The following NXPH1 variants were observed in gnomAD, a reference collection of about 807,000 sequenced individuals.
NXPH1 encodes the protein neurexophilin 1.
A neutral mutation model predicts 23.7 loss-of-function variants in NXPH1; 5 were observed. The observed-to-expected ratio is 0.21, with a 90% CI of 0.11 to 0.44. The LOEUF is 0.44. Ranked by LOEUF, NXPH1 falls within the 20% of genes least tolerant of loss-of-function variation. The pLI is 0.99. For synonymous variants in NXPH1, 144 were observed against 122.2 expected (o/e 1.18, Z -1.18); for missense variants, 324 against 321.6 (o/e 1.01, Z -0.06).
chr7:8,679,797 C>T (rs578117807), intron 2 of NXPH1, among the ~76,000 whole-genome samples: 1 of 152,322 alleles, frequency 6.6e-6, no homozygotes, highest in African/African-American at 2.4e-5. Flanking sequence ...CCAAGGTGGG[C>T]AGATCACGAG....
At chr7:8,652,885 T>C (rs1168641646) in intron 2 of NXPH1, among the ~76,000 whole-genome samples, 1 of 152,212 alleles carries the variant, frequency 6.6e-6, no homozygotes, top group East Asian at 1.9e-4. Context: ...AGCTTATGAA[T>C]TTTTAAGAAC....
At chr7:8,714,563 CAT>C (rs1419388831) in intron 2 of NXPH1, among the ~76,000 whole-genome samples, 1 of 151,922 alleles carries the variant, frequency 6.6e-6, no homozygotes, top group Admixed American at 6.6e-5. Context: ...ATGAAGCCAG[CAT>C]ATATCTGTGT....
chr7:8,547,760 T>C (rs1818219228), intron 2 of NXPH1, among the ~76,000 whole-genome samples: 1 of 151,548 alleles, frequency 6.6e-6, no homozygotes, highest in Non-Finnish European at 1.5e-5. Context: ...TATTTGATTT[T>C]ATGTTTCTGA....
intron 2 of NXPH1, among the ~76,000 whole-genome samples, chr7:8,696,971 A>G (rs1257741508): frequency 6.8e-6 from 1 of 146,208 alleles, no homozygotes; most frequent in Non-Finnish European, 1.5e-5. Context: ...CAGTCTGGTC[A>G]ACATGGCAAA....
At chr7:8,592,191 A>G (rs1200522166) in intron 2 of NXPH1, among the ~76,000 whole-genome samples, 1 of 151,982 alleles carries the variant, frequency 6.6e-6, no homozygotes, top group Non-Finnish European at 1.5e-5. Flanking sequence ...GAAAGGAGAA[A>G]GCTGGGATGA....
At chr7:8,612,482 A>G (rs1423317178) in intron 2 of NXPH1, among the ~76,000 whole-genome samples, 1 of 151,992 alleles carries the variant, frequency 6.6e-6, no homozygotes, top group East Asian at 1.9e-4. Context: ...TTCCAATGCT[A>G]TTACATTAAA....
At chr7:8,595,308 A>G (rs1819198072) in intron 2 of NXPH1, among the ~76,000 whole-genome samples, 1 of 152,100 alleles carries the variant, frequency 6.6e-6, no homozygotes, top group Non-Finnish European at 1.5e-5. Context: ...ATATGCATTT[A>G]AAGAAGTCAT....
At chr7:8,747,118 G>A (rs1423654532) in intron 2 of NXPH1, among the ~76,000 whole-genome samples, 1 of 152,058 alleles carries the variant, frequency 6.6e-6, no homozygotes, top group Non-Finnish European at 1.5e-5. Context: ...GAAGAAGATT[G>A]ATATTATTCT....
intron 2 of NXPH1, among the ~76,000 whole-genome samples, chr7:8,462,692 G>A (rs1816715768): frequency 6.6e-6 from 1 of 152,130 alleles, no homozygotes; most frequent in Admixed American, 6.5e-5. Flanking sequence ...ACAATGTATA[G>A]ATATCTCAAA....
At chr7:8,631,563 T>A (rs4607505) in intron 2 of NXPH1, among the ~76,000 whole-genome samples, 41,785 of 151,926 alleles carry the variant, frequency 0.28, 6,162 homozygotes, top group African/African-American at 0.35. Flanking sequence ...TAAGGTTTTT[T>A]TTTCTAGTAT....
intron 2 of NXPH1, among the ~76,000 whole-genome samples, chr7:8,604,725 T>C (rs1819444727): frequency 6.6e-6 from 1 of 152,164 alleles, no homozygotes; most frequent in African/African-American, 2.4e-5. Context: ...ATAGGCAGGT[T>C]CCAATATGGT....
chr7:8,511,678 T>A (rs554387549), intron 2 of NXPH1, among the ~76,000 whole-genome samples: 1 of 152,244 alleles, frequency 6.6e-6, no homozygotes, highest in African/African-American at 2.4e-5. Context: ...AGACTATATG[T>A]CACCATGCGT....
intron 2 of NXPH1, among the ~76,000 whole-genome samples, chr7:8,743,174 G>A (rs1184675307): frequency 2.0e-5 from 3 of 151,882 alleles, no homozygotes; most frequent in Admixed American, 1.3e-4. Context: ...AATGTTGCTT[G>A]AGCAATAGTT....
intron 2 of NXPH1, among the ~76,000 whole-genome samples, chr7:8,486,241 G>T (rs2128610530): frequency 6.6e-6 from 1 of 152,304 alleles, no homozygotes; most frequent in South Asian, 2.1e-4. Flanking sequence ...ATGGCATTGT[G>T]CCTCTCCTGA....
chr7:8,670,241 G>T (rs1820846538), intron 2 of NXPH1, among the ~76,000 whole-genome samples: 1 of 152,098 alleles, frequency 6.6e-6, no homozygotes, highest in Non-Finnish European at 1.5e-5. Flanking sequence ...GTCCTTTGAG[G>T]TAGTGTCCTT....
rs187290573 is a variant in NXPH1, at chr7:8,706,918, G to A, written c.55-44090G>A. Among the ~76,000 whole-genome samples, 3 of 152,138 alleles carry A rather than the reference G, an allele frequency of 2.0e-5. No homozygotes were observed. In the East Asian group the frequency reaches 5.8e-4, roughly 29 times the overall value. ...TGCAGAATGGTGAGAGTGAGAAGGG[G>A]GTGAGTGATGAGAAATTAATGGGTA... On this transcript the variant is annotated intron_variant, in intron 2 of 2. Coordinates refer to ENST00000405863, the MANE Select transcript of NXPH1 (RefSeq NM_152745.3).
chr7:8,656,405 G>A (rs971853921), intron 2 of NXPH1, among the ~76,000 whole-genome samples: 8 of 151,920 alleles, frequency 5.3e-5, no homozygotes, highest in Non-Finnish European at 1.2e-4. Context: ...TATTAGACTG[G>A]GAGCAAGGTG....
chr7:8,508,932 T>C (rs751205128), intron 2 of NXPH1, among the ~76,000 whole-genome samples: 11 of 152,076 alleles, frequency 7.2e-5, no homozygotes, highest in Non-Finnish European at 1.2e-4. Flanking sequence ...ACTAGATCCA[T>C]GGCCAAAGAT....
intron 2 of NXPH1, among the ~76,000 whole-genome samples, chr7:8,649,372 G>C (rs939698231): frequency 1.8e-4 from 28 of 151,600 alleles, no homozygotes; most frequent in Non-Finnish European, 3.5e-4. Flanking sequence ...ATTTATGTTA[G>C]GATGTACGTT....
Sources: gnomAD v4.1 joint callset for allele counts (sites outside exome capture counted in the v4.1 genomes callset) on GRCh38, gnomAD v4.1.1 for gene constraint, MANE v1.5 for transcripts, NCBI Gene and HGNC (gene_info 2026-07-23, HGNC 2026-07-21) for gene names.